Variants in PDE4D observed in about 807,000 individuals in gnomAD.
PDE4D encodes the protein phosphodiesterase 4D, also known as 3',5'-cyclic-AMP phosphodiesterase 4D.
Under a neutral mutation model 87.4 loss-of-function variants are expected in PDE4D, and 24 were observed. That is an observed-to-expected ratio of 0.27 (90% CI 0.20 to 0.39). PDE4D has a LOEUF of 0.39. Ranked by LOEUF, PDE4D falls within the 10% of genes least tolerant of loss-of-function variation. The pLI is 1.00. For synonymous variants in PDE4D, 384 were observed against 383.2 expected (o/e 1.00, Z -0.02); for missense variants, 714 against 1,041.0 (o/e 0.69, Z 4.32).
intron 2 of PDE4D, among the ~76,000 whole-genome samples, chr5:60,128,048 G>A (rs1462527671): frequency 6.6e-6 from 1 of 152,152 alleles, no homozygotes; most frequent in Non-Finnish European, 1.5e-5. Flanking sequence ...GTAGCAGGGA[G>A]AGACTATGTC....
chr5:59,170,369 G>T (rs1341285398), intron 5 of PDE4D, among the ~76,000 whole-genome samples: 6 of 152,092 alleles, frequency 3.9e-5, no homozygotes, highest in Non-Finnish European at 7.4e-5. Context: ...TTTTGTCATA[G>T]GCTCAATAAT....
At chr5:59,235,980 G>C (rs1033099552) in intron 1 of PDE4D, among the ~76,000 whole-genome samples, 2 of 152,106 alleles carry the variant, frequency 1.3e-5, no homozygotes, top group African/African-American at 4.8e-5. Context: ...GAATATTTCA[G>C]AAAAATATGA....
At chr5:59,030,837 T>C (rs1757251721) in intron 6 of PDE4D, among the ~76,000 whole-genome samples, 1 of 152,198 alleles carries the variant, frequency 6.6e-6, no homozygotes, top group Non-Finnish European at 1.5e-5. Flanking sequence ...TTCCTTTTTT[T>C]TCTCTTCAAC....
intron 2 of PDE4D, among the ~76,000 whole-genome samples, chr5:60,172,055 C>T (rs1388202104): frequency 1.4e-5 from 2 of 147,928 alleles, no homozygotes; most frequent in African/African-American, 4.9e-5. Flanking sequence ...AGAAAAGTTA[C>T]ATAAAATATT....
intron 1 of PDE4D, among the ~76,000 whole-genome samples, chr5:60,356,107 G>C (rs1173326560): frequency 6.6e-6 from 1 of 152,108 alleles, no homozygotes; most frequent in Admixed American, 6.5e-5. Context: ...AAAAACTGCA[G>C]GGGGTCCATA....
intron 1 of PDE4D, among the ~76,000 whole-genome samples, chr5:59,705,965 G>A (rs1753338716): frequency 6.6e-6 from 1 of 152,170 alleles, no homozygotes; most frequent in South Asian, 2.1e-4. Flanking sequence ...AATGAAGATA[G>A]TAGTGCTACC....
intron 1 of PDE4D, among the ~76,000 whole-genome samples, chr5:59,468,831 T>G (rs755320314): frequency 2.0e-5 from 3 of 152,188 alleles, no homozygotes; most frequent in Non-Finnish European, 4.4e-5. Context: ...AGAGCTTCAA[T>G]GCAACCATAG....
At chr5:59,971,384 A>AATAAATAAAAG (rs1358629602) in intron 3 of PDE4D, among the ~76,000 whole-genome samples, 1 of 151,858 alleles carries the variant, frequency 6.6e-6, no homozygotes, top group South Asian at 2.1e-4. Flanking sequence ...ATAAATAAAA[A>AATAAATAAAAG]AGAGAGAGAG....
At chr5:59,982,837 C>A (rs1762061663) in intron 3 of PDE4D, among the ~76,000 whole-genome samples, 1 of 152,074 alleles carries the variant, frequency 6.6e-6, no homozygotes, top group African/African-American at 2.4e-5. Flanking sequence ...ATCTCTGAAG[C>A]CAATTCCAAT....
intron 1 of PDE4D, among the ~76,000 whole-genome samples, chr5:60,319,671 T>C (rs934496026): frequency 7.2e-5 from 11 of 152,236 alleles, no homozygotes; most frequent in African/African-American, 2.7e-4. Flanking sequence ...GGTGTGGATG[T>C]CCTTTCTGTT....
intron 3 of PDE4D, among the ~76,000 whole-genome samples, chr5:59,959,891 T>A (rs1759274757): frequency 1.3e-5 from 2 of 152,042 alleles, no homozygotes; most frequent in South Asian, 4.1e-4. Context: ...AAAGAAACTA[T>A]CAACCAAGTA....
chr5:59,560,483 T>C (rs1819785417), intron 1 of PDE4D, among the ~76,000 whole-genome samples: 1 of 152,240 alleles, frequency 6.6e-6, no homozygotes, highest in Non-Finnish European at 1.5e-5. Flanking sequence ...GCACCATGAC[T>C]GTGAGATCTG....
intron 1 of PDE4D, among the ~76,000 whole-genome samples, chr5:59,845,332 G>A (rs183482883): frequency 6.6e-6 from 1 of 152,162 alleles, no homozygotes; most frequent in East Asian, 1.9e-4. Flanking sequence ...TGAGCTGTGA[G>A]ATCACTTCCT....
At chr5:60,399,022 A>C (rs1763090105) in intron 1 of PDE4D, among the ~76,000 whole-genome samples, 1 of 152,170 alleles carries the variant, frequency 6.6e-6, no homozygotes, top group Non-Finnish European at 1.5e-5. Context: ...GGAGATCTAT[A>C]ATTTGATTAT....
intron 2 of PDE4D, among the ~76,000 whole-genome samples, chr5:60,012,029 T>C (rs1040588498): frequency 1.3e-5 from 2 of 151,556 alleles, no homozygotes; most frequent in Non-Finnish European, 2.9e-5. Flanking sequence ...TGCATGAAAG[T>C]AGGACTCATA....
chr5:60,094,908 G>T (rs1002567182), intron 2 of PDE4D, among the ~76,000 whole-genome samples: 1 of 151,978 alleles, frequency 6.6e-6, no homozygotes, highest in Non-Finnish European at 1.5e-5. Flanking sequence ...ATTTTTGAAT[G>T]ATCACTCTTT....
At position 59,044,156 on chromosome 5, in the gene PDE4D, G is replaced by C. The variant is rs538267686; in HGVS notation, c.809-5185C>G. ...ACTGTCTTCCACAATGGTTGAACTA[G>C]TTTACAGTCCCACCAACAGTGTAAA... On this transcript the variant is annotated intron_variant, in intron 5 of 14. Coordinates refer to ENST00000340635, the MANE Select transcript of PDE4D (RefSeq NM_001104631.2). 3.6e-3 allele frequency among the ~76,000 whole-genome samples: 548 copies of C among 152,302 alleles called. 4 individuals carry two copies. Among genetic ancestry groups the C allele is most frequent in the African/African-American group, 0.013 (520 of 41,562 alleles).
intron 1 of PDE4D, among the ~76,000 whole-genome samples, chr5:59,688,624 T>C (rs1310036850): frequency 6.6e-6 from 1 of 152,128 alleles, no homozygotes; most frequent in Non-Finnish European, 1.5e-5. Flanking sequence ...GCAGGAAAGA[T>C]CTAAAATTGA....
intron 1 of PDE4D, among the ~76,000 whole-genome samples, chr5:59,522,536 GC>G (rs949555213): frequency 3.3e-5 from 5 of 152,170 alleles, no homozygotes; most frequent in African/African-American, 1.2e-4. Flanking sequence ...ACTCATTTAG[GC>G]CCCCAGAGTA....
Sources: allele counts gnomAD v4.1 joint callset (sites outside exome capture counted in the v4.1 genomes callset), GRCh38; gene constraint gnomAD v4.1.1; transcripts MANE v1.5; gene names NCBI Gene and HGNC (gene_info 2026-07-23, HGNC 2026-07-21).